CNTN5: variants seen among roughly 807,000 people sequenced by gnomAD.
CNTN5 encodes the protein contactin-5.
In CNTN5, 77 loss-of-function variants were observed where a neutral mutation model predicts 129.1. The ratio of observed to expected loss-of-function variants is 0.60; its 90% CI spans 0.50 to 0.72. CNTN5 has a LOEUF of 0.72. Ranked by LOEUF, CNTN5 falls within the 30% of genes least tolerant of loss-of-function variation. The probability of loss-of-function intolerance (pLI) is 0.00; values close to 1 mark genes in which losing one functional copy is unlikely to be tolerated. For synonymous variants in CNTN5, 509 were observed against 465.6 expected (o/e 1.09, Z -1.20); for missense variants, 1,478 against 1,328.8 (o/e 1.11, Z -1.75).
At chr11:99,160,916 G>T (rs772458946) in intron 1 of CNTN5, among the ~76,000 whole-genome samples, 1 of 152,114 alleles carries the variant, frequency 6.6e-6, no homozygotes, top group South Asian at 2.1e-4. Context: ...AATAGATCAC[G>T]TAATTTCCTA....
intron 3 of CNTN5, among the ~76,000 whole-genome samples, chr11:99,779,961 A>G (rs533349181): frequency 1.4e-4 from 22 of 152,110 alleles, no homozygotes; most frequent in African/African-American, 4.8e-4. Flanking sequence ...CCATGGCGCA[A>G]TGATCCTTTC....
At chr11:100,228,727 G>A (rs1405407104) in intron 16 of CNTN5, among the ~76,000 whole-genome samples, 1 of 152,188 alleles carries the variant, frequency 6.6e-6, no homozygotes, top group African/African-American at 2.4e-5. Flanking sequence ...AGATGAGGAA[G>A]CTGAGGTCTC....
At chr11:99,073,685 T>C (rs1865440095) in intron 1 of CNTN5, among the ~76,000 whole-genome samples, 1 of 151,998 alleles carries the variant, frequency 6.6e-6, no homozygotes, top group Admixed American at 6.6e-5. Context: ...TTGCTGAGGG[T>C]GATGGTTTCC....
At chr11:100,289,303 C>T (rs566550576) in intron 18 of CNTN5, among the ~76,000 whole-genome samples, 43 of 152,192 alleles carry the variant, frequency 2.8e-4, no homozygotes, top group Middle Eastern at 3.4e-3. Context: ...AGAGACACAA[C>T]GAACAAAGAG....
At chr11:99,262,182 A>G (rs1387400736) in intron 1 of CNTN5, among the ~76,000 whole-genome samples, 1 of 151,914 alleles carries the variant, frequency 6.6e-6, no homozygotes, top group East Asian at 1.9e-4. Context: ...TTCACCTCTA[A>G]CAGTTTTTAA....
At chr11:100,298,516 T>C (rs1436336218) in intron 19 of CNTN5, among the ~76,000 whole-genome samples, 1 of 151,204 alleles carries the variant, frequency 6.6e-6, no homozygotes, top group Admixed American at 6.6e-5. Flanking sequence ...ACTTAGCAAA[T>C]ATTTATTGAG....
At chr11:99,448,792 T>TTTATA (rs1284819487) in intron 2 of CNTN5, among the ~76,000 whole-genome samples, 1 of 145,294 alleles carries the variant, frequency 6.9e-6, no homozygotes, top group Non-Finnish European at 1.5e-5. Context: ...TTTATTTTAT[T>TTTATA]TTTGAGACAG....
intron 2 of CNTN5, among the ~76,000 whole-genome samples, chr11:99,378,381 A>G (rs1940318114): frequency 6.6e-6 from 1 of 152,126 alleles, no homozygotes; most frequent in African/African-American, 2.4e-5. Flanking sequence ...ACTAGTAGTC[A>G]TAACTGTCAA....
At chr11:100,278,821 G>A (rs1412409684) in intron 18 of CNTN5, among the ~76,000 whole-genome samples, 2 of 151,922 alleles carry the variant, frequency 1.3e-5, no homozygotes, top group African/African-American at 4.8e-5. Context: ...GATTGCTCTA[G>A]CTAGGACTTC....
intron 9 of CNTN5, among the ~76,000 whole-genome samples, chr11:100,006,225 T>C (rs1940181455): frequency 6.6e-6 from 1 of 152,164 alleles, no homozygotes; most frequent in Admixed American, 6.6e-5. Flanking sequence ...AATTATCATC[T>C]TTTTGCTGAT....
chr11:99,472,164 G>A (rs540531999), intron 2 of CNTN5, among the ~76,000 whole-genome samples: 4 of 152,176 alleles, frequency 2.6e-5, no homozygotes, highest in East Asian at 1.9e-4. Context: ...GAGGCACAAA[G>A]TCAAAGTAGT....
chr11:99,507,715 C>T (rs546556435), intron 2 of CNTN5, among the ~76,000 whole-genome samples: 75 of 152,254 alleles, frequency 4.9e-4, no homozygotes, highest in Non-Finnish European at 2.9e-5. Context: ...ACATTTTAAC[C>T]TCACAAGTGT....
intron 7 of CNTN5, among the ~76,000 whole-genome samples, chr11:99,956,592 G>A (rs1419318088): frequency 1.3e-5 from 2 of 152,112 alleles, no homozygotes; most frequent in Non-Finnish European, 2.9e-5. Flanking sequence ...AAATAAACGA[G>A]TCAAGGTCAG....
intron 3 of CNTN5, among the ~76,000 whole-genome samples, chr11:99,719,746 G>T (rs529382198): frequency 1.3e-5 from 2 of 151,832 alleles, no homozygotes; most frequent in African/African-American, 2.4e-5. Context: ...CAACAAATTC[G>T]TGAGTTGTTT....
At chr11:99,780,151 C>G (rs1270885489) in intron 3 of CNTN5, among the ~76,000 whole-genome samples, 1 of 151,964 alleles carries the variant, frequency 6.6e-6, no homozygotes, top group African/African-American at 2.4e-5. Flanking sequence ...GTTTCTGTTA[C>G]TGTTATCAAG....
At chr11:99,120,742 G>A (rs537844637) in intron 1 of CNTN5, among the ~76,000 whole-genome samples, 7 of 152,026 alleles carry the variant, frequency 4.6e-5, no homozygotes, top group African/African-American at 1.7e-4. Flanking sequence ...TGAGTATATT[G>A]TATATTTTTA....
intron 3 of CNTN5, among the ~76,000 whole-genome samples, chr11:99,729,144 A>G (rs1014327598): frequency 6.6e-6 from 1 of 152,184 alleles, no homozygotes; most frequent in Non-Finnish European, 1.5e-5. Flanking sequence ...TAAAATGAAG[A>G]TGAAAGAGTT....
chr11:100,224,588 G>T, intron 15 of CNTN5, 104 bp from the exon 16 acceptor site: 1 of 1,094,856 alleles, frequency 9.1e-7, no homozygotes, highest in East Asian at 2.4e-5. Context: ...AAACTGTAAG[G>T]CCAAAAATGG....
At chr11:99,390,025 AATGC>A (rs10564229) in intron 2 of CNTN5, among the ~76,000 whole-genome samples, 7,131 of 152,256 alleles carry the variant, frequency 0.047, 181 homozygotes, top group Non-Finnish European at 0.061. Context: ...AATTAGTTCT[AATGC>A]ATAGCACAAT....
Sources: gnomAD v4.1 joint callset for allele counts (sites outside exome capture counted in the v4.1 genomes callset) on GRCh38, gnomAD v4.1.1 for gene constraint, MANE v1.5 for transcripts, NCBI Gene and HGNC (gene_info 2026-07-23, HGNC 2026-07-21) for gene names.